COL5A2: variants seen among roughly 807,000 people sequenced by gnomAD.
COL5A2 encodes the protein collagen type V alpha 2 chain, also known as collagen alpha-2(V) chain.
A neutral mutation model predicts 208.2 loss-of-function variants in COL5A2; 23 were observed. The ratio of observed to expected loss-of-function variants is 0.11; its 90% CI spans 0.08 to 0.16. COL5A2 has a LOEUF of 0.16. COL5A2 is among the 10% of genes least tolerant of loss of function. The probability of loss-of-function intolerance (pLI) is 1.00; values close to 1 mark genes in which losing one functional copy is unlikely to be tolerated. For synonymous variants in COL5A2, 625 were observed against 628.5 expected, an observed-to-expected ratio of 0.99 and a Z score of 0.08; for missense variants, 1,590 against 1,956.4, an observed-to-expected ratio of 0.81 and a Z score of 3.53.
chr2:189,141,402 A>G (rs1687931806), intron 1 of COL5A2, among the ~76,000 whole-genome samples: 1 of 152,164 alleles, frequency 6.6e-6, no homozygotes, highest in South Asian at 2.1e-4. Context: ...TGGGGTTCAC[A>G]GGGGCGAAAT....
chr2:189,310,568 T>C, the COL5A2 span, among the ~76,000 whole-genome samples: 1 of 151,340 alleles, frequency 6.6e-6, no homozygotes, highest in South Asian at 2.1e-4. Context: ...AATCCCACTG[T>C]TGGGTACACA....
intron 1 of COL5A2, among the ~76,000 whole-genome samples, chr2:189,150,586 C>A (rs1236535026): frequency 6.6e-6 from 1 of 152,186 alleles, no homozygotes; most frequent in African/African-American, 2.4e-5. Flanking sequence ...ATAAAATCGA[C>A]CTAAATCAAG....
chr2:189,035,649 A>G (rs531347360), intron 52 of COL5A2, among the ~76,000 whole-genome samples: 18 of 152,198 alleles, frequency 1.2e-4, no homozygotes, highest in Middle Eastern at 3.4e-3. Flanking sequence ...CAGCACTCCC[A>G]TTTGGGGGTT....
At chr2:189,187,638 C>A (rs1042272778) in intron 1 of COL5A2, among the ~76,000 whole-genome samples, 2 of 152,082 alleles carry the variant, frequency 1.3e-5, no homozygotes, top group African/African-American at 4.8e-5. Context: ...AAACTGTTAG[C>A]GTTTCTTCTA....
the COL5A2 span, among the ~76,000 whole-genome samples, chr2:189,392,960 C>T: frequency 6.6e-6 from 1 of 152,158 alleles, no homozygotes; most frequent in African/African-American, 2.4e-5. Flanking sequence ...GTATCAGTTA[C>T]ATCTATGTTC....
chr2:189,320,626 A>C, the COL5A2 span, among the ~76,000 whole-genome samples: 3 of 152,242 alleles, frequency 2.0e-5, no homozygotes, highest in African/African-American at 7.2e-5. Context: ...AAAAAGAATA[A>C]GAAGAAATCA....
At chr2:189,310,553 C>T in the COL5A2 span, among the ~76,000 whole-genome samples, 1 of 151,994 alleles carries the variant, frequency 6.6e-6, no homozygotes, top group African/African-American at 2.4e-5. Context: ...ACCATATGAT[C>T]CAGCAATCCC....
chr2:189,180,858 C>T (rs2105833818), upstream of COL5A2, among the ~76,000 whole-genome samples: 1 of 152,270 alleles, frequency 6.6e-6, no homozygotes, highest in Middle Eastern at 3.4e-3. Flanking sequence ...TCAGAGAGTT[C>T]TATACAATCT....
Position 189,216,372 on chromosome 2 carries a change from C to A in COL5A2, c.-42+8776G>T, listed in dbSNP as rs547398082. ...TCAAGCCACTAATCTCTACTGGCTG[C>A]TGTTAGATTTATTCAACAACTCACT... On this transcript the variant is annotated intron_variant, in intron 1 of 10. Coordinates refer to the COL5A2 transcript ENST00000649966. Among the ~76,000 whole-genome samples the A allele has an allele frequency of 2.6e-5, 4 of 152,074 alleles. No homozygotes were observed. In the East Asian group the frequency reaches 7.8e-4, roughly 29 times the overall value.
At chr2:189,299,724 C>A in the COL5A2 span, among the ~76,000 whole-genome samples, 2 of 152,250 alleles carry the variant, frequency 1.3e-5, no homozygotes, top group Non-Finnish European at 1.5e-5. Context: ...TGGAGGAGAA[C>A]AATCGATCTG....
At chr2:189,163,392 C>A (rs1036383144) in intron 1 of COL5A2, among the ~76,000 whole-genome samples, 1 of 152,148 alleles carries the variant, frequency 6.6e-6, no homozygotes, top group Non-Finnish European at 1.5e-5. Flanking sequence ...ACACATGATG[C>A]ATTTACATAT....
chr2:189,066,976 TA>T (rs1686169576), intron 21 of COL5A2, among the ~76,000 whole-genome samples, 194 bp from the exon 22 acceptor site: 1 of 152,338 alleles, frequency 6.6e-6, no homozygotes, highest in East Asian at 1.9e-4. Context: ...AAATTCAGTA[TA>T]ATTTGGAAGC....
the COL5A2 span, among the ~76,000 whole-genome samples, chr2:189,271,431 A>T: frequency 0.015 from 2,291 of 152,124 alleles, 25 homozygotes; most frequent in Non-Finnish European, 0.024. Context: ...TTAATAAATG[A>T]TGTTGGGAAA....
At chr2:189,042,088 G>C (rs10194770) in intron 49 of COL5A2, among the ~76,000 whole-genome samples, 23,100 of 152,032 alleles carry the variant, frequency 0.15, 1,735 homozygotes, top group Middle Eastern at 0.19. Context: ...CTATTATTCT[G>C]AATTTTATGT....
At chr2:189,051,932 C>T (rs766125815) in intron 41 of COL5A2, among the ~76,000 whole-genome samples, 16 of 151,680 alleles carry the variant, frequency 1.1e-4, no homozygotes, top group East Asian at 1.9e-4. Flanking sequence ...AGTATTTAAA[C>T]GGAATAATAA....
At chr2:189,424,643 T>C in the COL5A2 span, among the ~76,000 whole-genome samples, 5 of 152,092 alleles carry the variant, frequency 3.3e-5, no homozygotes, top group African/African-American at 9.7e-5. Context: ...CTGAAAATCA[T>C]AAAACATTTA....
chr2:189,302,356 C>T, the COL5A2 span, among the ~76,000 whole-genome samples: 384 of 152,222 alleles, frequency 2.5e-3, 3 homozygotes, highest in Non-Finnish European at 4.1e-3. Flanking sequence ...GTATGAGAAG[C>T]CTGAGCTTAA....
At position 189,170,198 on chromosome 2, in the gene COL5A2, T is replaced by A. The variant is rs778506354; in HGVS notation, c.97+9310A>T. 6.2e-4 allele frequency among the ~76,000 whole-genome samples: 95 copies of A among 152,090 alleles called. 1 individual carries two copies. Among genetic ancestry groups the A allele is most frequent in the Non-Finnish European group, 8.1e-4 (55 of 67,988 alleles). ...CTGTAACACAGAGAAATAAAAAAAA[T>A]TGCCCGAGAATATGGAAATACAATT... On this transcript the variant is annotated intron_variant, in intron 1 of 53. Coordinates refer to ENST00000374866, the MANE Select transcript of COL5A2 (RefSeq NM_000393.5).
chr2:189,422,411 T>A, the COL5A2 span, among the ~76,000 whole-genome samples: 1 of 151,852 alleles, frequency 6.6e-6, no homozygotes, highest in Admixed American at 6.6e-5. Context: ...AATAAAGAGC[T>A]CAAACAGCAG....
Sources: allele counts gnomAD v4.1 joint callset (sites outside exome capture counted in the v4.1 genomes callset), GRCh38; gene constraint gnomAD v4.1.1; transcripts MANE v1.5; gene names NCBI Gene and HGNC (gene_info 2026-07-23, HGNC 2026-07-21).